LRRC4C: variants seen among roughly 807,000 people sequenced by gnomAD.
The protein encoded by LRRC4C is leucine-rich repeat-containing protein 4C.
A neutral mutation model predicts 33.6 loss-of-function variants in LRRC4C; 5 were observed. That is an observed-to-expected ratio of 0.15 (90% CI 0.08 to 0.31). The LOEUF (loss-of-function observed/expected upper bound fraction) is 0.31, where lower values mean the gene tolerates loss of function less well. Among genes scored for constraint, LRRC4C ranks in the 10% least tolerant of loss-of-function variants. LRRC4C has a pLI of 1.00. For missense variants in LRRC4C, 560 were observed against 796.7 expected, an observed-to-expected ratio of 0.70 and a Z score of 3.58; for synonymous variants, 329 against 302.0, an observed-to-expected ratio of 1.09 and a Z score of -0.93.
chr11:41,325,581 G>GTGTGTGTGTGTGTGTGTGTGTGTTTT (rs1951091936), intron 1 of LRRC4C, among the ~76,000 whole-genome samples: 1 of 97,338 alleles, frequency 1.0e-5, no homozygotes, highest in African/African-American at 4.1e-5. Context: ...TTTTTTTTGT[G>GTGTGTGTGTGTGTGTGTGTGTGTTTT]TGTGTGTGTG....
chr11:41,061,019 C>CA (rs1386462778), intron 1 of LRRC4C, among the ~76,000 whole-genome samples: 2 of 151,970 alleles, frequency 1.3e-5, no homozygotes, highest in Admixed American at 6.6e-5. Flanking sequence ...CATTTCCTTC[C>CA]AAATCAACTC....
intron 1 of LRRC4C, among the ~76,000 whole-genome samples, chr11:41,346,501 T>C (rs767796663): frequency 2.0e-5 from 3 of 152,216 alleles, no homozygotes; most frequent in South Asian, 4.1e-4. Context: ...TGAGATTAGA[T>C]TGGGATACAT....
At chr11:40,978,804 G>A (rs1365818053) in intron 1 of LRRC4C, among the ~76,000 whole-genome samples, 1 of 150,064 alleles carries the variant, frequency 6.7e-6, no homozygotes, top group Non-Finnish European at 1.5e-5. Context: ...TTTTCTTTTT[G>A]TATTTTTAGT....
rs1258175564 is a variant in LRRC4C, at chr11:41,294,029, C to T, written c.-496+165402G>A. Among the ~76,000 whole-genome samples, 3 of 152,200 alleles carry T rather than the reference C, an allele frequency of 2.0e-5. No homozygotes were observed. In the East Asian group the frequency reaches 5.8e-4, roughly 29 times the overall value. On this transcript the variant is annotated intron_variant, in intron 1 of 6. Transcript: ENST00000528697. The stretch of plus-strand genomic sequence containing the variant: ...AACTCAGTGGCTTCATTTTTATATC[C>T]TTGATGCACTCACTACATAGAACAG...
intron 1 of LRRC4C, among the ~76,000 whole-genome samples, chr11:41,163,309 G>T (rs1373520364): frequency 2.0e-3 from 10 of 4,948 alleles, no homozygotes; most frequent in Non-Finnish European, 9.2e-3. Flanking sequence ...TTTCAAACAG[G>T]GTCTTGCTCT....
intron 3 of LRRC4C, among the ~76,000 whole-genome samples, chr11:40,532,147 A>G (rs868303087): frequency 2.0e-5 from 3 of 151,316 alleles, no homozygotes; most frequent in Admixed American, 6.6e-5. Context: ...CAGAGGTCAC[A>G]AAGCTGGTAT....
At chr11:41,415,737 C>T (rs923296511) in intron 1 of LRRC4C, among the ~76,000 whole-genome samples, 25 of 152,030 alleles carry the variant, frequency 1.6e-4, no homozygotes, top group Non-Finnish European at 2.4e-4. Context: ...TATCTAAATT[C>T]GTTTGCAACA....
chr11:40,887,206 C>T (rs1316811218), intron 2 of LRRC4C, among the ~76,000 whole-genome samples: 1 of 32,680 alleles, frequency 3.1e-5, no homozygotes, highest in Non-Finnish European at 1.2e-4. Flanking sequence ...AGCTAATACA[C>T]ATAAAAAAAA....
chr11:40,203,618 A>T (rs191342030), intron 5 of LRRC4C, among the ~76,000 whole-genome samples: 55 of 152,310 alleles, frequency 3.6e-4, no homozygotes, highest in Middle Eastern at 3.4e-3. Context: ...AAAAACATGA[A>T]CTTTTAAATC....
intron 3 of LRRC4C, among the ~76,000 whole-genome samples, chr11:40,366,283 GAATT>G (rs1325361895): frequency 1.5e-4 from 23 of 151,986 alleles, no homozygotes; most frequent in Admixed American, 1.3e-4. Context: ...ATTTAACTCA[GAATT>G]AATTAACAAT....
chr11:40,756,578 T>A (rs977956102), intron 2 of LRRC4C, among the ~76,000 whole-genome samples: 1 of 152,048 alleles, frequency 6.6e-6, no homozygotes, highest in East Asian at 1.9e-4. Context: ...ATTTTCTCCA[T>A]ATGCAAAATA....
intron 2 of LRRC4C, among the ~76,000 whole-genome samples, chr11:40,686,678 A>T (rs1381333007): frequency 1.3e-5 from 2 of 152,170 alleles, no homozygotes; most frequent in East Asian, 1.9e-4. Flanking sequence ...GTTCAAAATA[A>T]TTTTTTTAAA....
At chr11:40,703,185 G>T (rs1038648264) in intron 2 of LRRC4C, among the ~76,000 whole-genome samples, 5 of 151,976 alleles carry the variant, frequency 3.3e-5, no homozygotes, top group Non-Finnish European at 7.4e-5. Context: ...AGAGGCCAGG[G>T]ATGATGCCAA....
chr11:40,305,219 G>A (rs1944971596), intron 4 of LRRC4C, among the ~76,000 whole-genome samples: 2 of 152,218 alleles, frequency 1.3e-5, no homozygotes, highest in African/African-American at 4.8e-5. Context: ...TCCCTCTCAA[G>A]CAACTCAATT....
chr11:41,002,973 C>T (rs1447441008), intron 1 of LRRC4C, among the ~76,000 whole-genome samples: 1 of 152,016 alleles, frequency 6.6e-6, no homozygotes, highest in East Asian at 1.9e-4. Flanking sequence ...ATACATTATA[C>T]ATGTGTAATA....
At chr11:40,408,238 C>T (rs1277592063) in intron 3 of LRRC4C, among the ~76,000 whole-genome samples, 1 of 151,834 alleles carries the variant, frequency 6.6e-6, no homozygotes, top group African/African-American at 2.4e-5. Flanking sequence ...CACAATGTTT[C>T]AAATATAATT....
intron 2 of LRRC4C, among the ~76,000 whole-genome samples, chr11:40,919,361 T>A (rs1007194963): frequency 2.6e-5 from 4 of 152,204 alleles, no homozygotes; most frequent in African/African-American, 9.6e-5. Context: ...GAAATTAAGA[T>A]AATGACAGTT....
chr11:40,673,981 C>G (rs1485170295), intron 2 of LRRC4C, among the ~76,000 whole-genome samples: 1 of 152,136 alleles, frequency 6.6e-6, no homozygotes, highest in Non-Finnish European at 1.5e-5. Context: ...TCTTTCTTCC[C>G]CAGCAGTTAC....
intron 3 of LRRC4C, among the ~76,000 whole-genome samples, chr11:40,481,121 G>A (rs767007967): frequency 1.3e-4 from 19 of 151,268 alleles, no homozygotes; most frequent in Non-Finnish European, 2.5e-4. Context: ...TTTTTAATAC[G>A]TCCAACACAA....
Sources: allele counts gnomAD v4.1 joint callset (sites outside exome capture counted in the v4.1 genomes callset), GRCh38; gene constraint gnomAD v4.1.1; transcripts MANE v1.5; gene names NCBI Gene and HGNC (gene_info 2026-07-23, HGNC 2026-07-21).